SORCS1: variants seen among roughly 807,000 people sequenced by gnomAD.
The protein encoded by SORCS1 is VPS10 domain-containing receptor SorCS1.
SORCS1 carries 60 observed loss-of-function variants against 146.1 expected under a neutral mutation model. That is an observed-to-expected ratio of 0.41 (90% CI 0.33 to 0.51). The LOEUF is 0.51. Among genes scored for constraint, SORCS1 ranks in the 20% least tolerant of loss-of-function variants. SORCS1 has a pLI of 0.21. For synonymous variants in SORCS1, 637 were observed against 584.0 expected (o/e 1.09, Z -1.31); for missense variants, 1,352 against 1,487.6 (o/e 0.91, Z 1.50).
At chr10:106,876,490 A>G (rs1202510042) in intron 2 of SORCS1, among the ~76,000 whole-genome samples, 1 of 152,170 alleles carries the variant, frequency 6.6e-6, no homozygotes, top group Admixed American at 6.5e-5. Context: ...AGGAAGTGAA[A>G]TGAAAGCACA....
intron 3 of SORCS1, among the ~76,000 whole-genome samples, chr10:106,780,746 T>C (rs867552465): frequency 2.0e-5 from 3 of 152,138 alleles, no homozygotes; most frequent in African/African-American, 7.2e-5. Context: ...GTTCCACCCA[T>C]GAGTGATTAG....
chr10:106,756,135 A>AAT (rs888200059), intron 5 of SORCS1, among the ~76,000 whole-genome samples: 4 of 152,242 alleles, frequency 2.6e-5, no homozygotes, highest in Non-Finnish European at 5.9e-5. Flanking sequence ...TCTCAAAAAA[A>AAT]AAAATAAATA....
At chr10:107,157,982 A>G (rs1455775509) in intron 1 of SORCS1, among the ~76,000 whole-genome samples, 16 of 152,254 alleles carry the variant, frequency 1.1e-4, no homozygotes. Flanking sequence ...ACACAAAAAC[A>G]GGACAAATAT....
intron 2 of SORCS1, among the ~76,000 whole-genome samples, chr10:106,868,898 A>C (rs1950311506): frequency 6.6e-6 from 1 of 152,200 alleles, no homozygotes; most frequent in African/African-American, 2.4e-5. Flanking sequence ...CAATGAGTCC[A>C]GGAGTTTGTT....
chr10:106,724,367 C>G (rs1170559741), intron 6 of SORCS1, among the ~76,000 whole-genome samples: 1 of 151,834 alleles, frequency 6.6e-6, no homozygotes, highest in East Asian at 1.9e-4. Flanking sequence ...ATTAGCTGGG[C>G]GTGGTGGTGT....
intron 1 of SORCS1, among the ~76,000 whole-genome samples, chr10:107,007,303 G>T (rs1331303135): frequency 6.6e-6 from 1 of 152,216 alleles, no homozygotes; most frequent in Non-Finnish European, 1.5e-5. Flanking sequence ...GAGTGACACT[G>T]TGCCATTTTC....
chr10:106,644,335 T>A (rs1849266465), intron 18 of SORCS1, among the ~76,000 whole-genome samples: 1 of 151,962 alleles, frequency 6.6e-6, no homozygotes, highest in African/African-American at 2.4e-5. Context: ...TTAACAATAA[T>A]TTTTCCCTTC....
At chr10:107,033,702 G>C (rs576049699) in intron 1 of SORCS1, among the ~76,000 whole-genome samples, 1 of 152,330 alleles carries the variant, frequency 6.6e-6, no homozygotes, top group African/African-American at 2.4e-5. Context: ...CCCATTAACA[G>C]TATAAAGAAA....
chr10:107,059,595 G>A (rs952482711), intron 1 of SORCS1, among the ~76,000 whole-genome samples: 2 of 152,146 alleles, frequency 1.3e-5, no homozygotes, highest in African/African-American at 2.4e-5. Flanking sequence ...TCACTGAAAC[G>A]CTGTGGATGT....
At chr10:107,116,304 C>A (rs1355246601) in intron 1 of SORCS1, among the ~76,000 whole-genome samples, 1 of 152,038 alleles carries the variant, frequency 6.6e-6, no homozygotes, top group Admixed American at 6.5e-5. Flanking sequence ...TCAAGAGATA[C>A]CAGAATCTCC....
intron 1 of SORCS1, among the ~76,000 whole-genome samples, chr10:107,090,584 G>A (rs1964113587): frequency 6.6e-6 from 1 of 152,130 alleles, no homozygotes; most frequent in Admixed American, 6.6e-5. Flanking sequence ...TAATTACTAT[G>A]TAAAATTTAA....
At chr10:107,168,398 T>A (rs1420044530), upstream of SORCS1, among the ~76,000 whole-genome samples, 2 of 152,250 alleles carry the variant, frequency 1.3e-5, no homozygotes, top group East Asian at 3.8e-4. Flanking sequence ...TACTTAAACC[T>A]GTTTTTTGTT....
chr10:106,695,325 C>T (rs1404440305), intron 9 of SORCS1, among the ~76,000 whole-genome samples: 1 of 152,166 alleles, frequency 6.6e-6, no homozygotes, highest in African/African-American at 2.4e-5. Context: ...TCATTTTCTT[C>T]TTCCAGTCTT....
intron 1 of SORCS1, among the ~76,000 whole-genome samples, chr10:107,064,775 A>G (rs17280885): frequency 0.01 from 1,588 of 152,340 alleles, 15 homozygotes; most frequent in South Asian, 0.028. Flanking sequence ...CATGCCTACT[A>G]GTCCTGGAAC....
At chr10:106,907,413 A>C (rs1951956280) in intron 2 of SORCS1, among the ~76,000 whole-genome samples, 2 of 152,114 alleles carry the variant, frequency 1.3e-5, no homozygotes, top group Non-Finnish European at 2.9e-5. Context: ...TCATTAAACT[A>C]ACTACTTGTG....
intron 17 of SORCS1, 133 bp from the exon 18 acceptor site, chr10:106,652,686 G>A: frequency 1.1e-6 from 1 of 906,536 alleles, no homozygotes; most frequent in Non-Finnish European, 1.6e-6. Context: ...GCTACTATGA[G>A]GAGTAGGGTT....
chr10:107,106,815 C>T (rs1965342814), intron 1 of SORCS1, among the ~76,000 whole-genome samples: 1 of 152,048 alleles, frequency 6.6e-6, no homozygotes, highest in South Asian at 2.1e-4. Context: ...GCAGAACCTT[C>T]GTAAATGGGA....
chr10:106,620,454 C>G lies in SORCS1; in HGVS notation c.2770G>C (p.Val924Leu), dbSNP rs373926974. 6.2e-7 allele frequency: 1 copy of G among 1,613,840 alleles called. No individual in the cohort carries two copies. Among genetic ancestry groups the G allele is most frequent in the Non-Finnish European group, 8.5e-7 (1 of 1,179,786 alleles). Reference protein sequence around the residue: ...WPSQVGTLTYVWWYGNNTEPL... With the variant: ...WPSQVGTLTYLWWYGNNTEPL... ...TCCGTGTTGTTTCCGTACCACCACA[C>G]GTAAGTGAGGGTGCCCACTTGGCTG... Residue 924 changes from valine (V) to leucine (L), a missense_variant, in exon 20 of 26, where the codon GTG (valine) becomes CTG (leucine). Around this residue, in one of 3 missense-constraint regions of SORCS1, gnomAD observed 648 missense variants for 793.8 expected, o/e 0.82. Transcript: ENST00000263054.
intron 2 of SORCS1, among the ~76,000 whole-genome samples, chr10:106,939,043 T>G (rs1375115890): frequency 6.6e-6 from 1 of 152,198 alleles, no homozygotes; most frequent in East Asian, 1.9e-4. Context: ...AAATTCTGAC[T>G]CGTTTTTGAG....
Sources: gnomAD v4.1 joint callset for allele counts (sites outside exome capture counted in the v4.1 genomes callset) on GRCh38, gnomAD v4.1.1 for gene constraint, gnomAD v4.1.1 regional missense constraint, MANE v1.5 for transcripts, NCBI Gene and HGNC (gene_info 2026-07-23, HGNC 2026-07-21) for gene names.